UQCC1: variants seen among roughly 807,000 people sequenced by gnomAD.
UQCC1 encodes bFGF-repressed Zic-binding protein.
In UQCC1, 38 loss-of-function variants were observed where a neutral mutation model predicts 48.0. The ratio of observed to expected loss-of-function variants is 0.79; its 90% CI spans 0.61 to 1.04. The LOEUF (loss-of-function observed/expected upper bound fraction) is 1.04, where lower values mean the gene tolerates loss of function less well. Ranked by LOEUF, UQCC1 falls within the 50% of genes least tolerant of loss-of-function variation. The pLI, the probability that UQCC1 is intolerant of heterozygous loss-of-function variation, is 0.00. For missense variants in UQCC1, 368 were observed against 381.8 expected, an observed-to-expected ratio of 0.96 and a Z score of 0.30; for synonymous variants, 111 against 129.2, an observed-to-expected ratio of 0.86 and a Z score of 0.95.
intron 5 of UQCC1, among the ~76,000 whole-genome samples, chr20:35,372,077 C>T (rs1249508186): frequency 1.3e-5 from 2 of 150,176 alleles, no homozygotes; most frequent in Non-Finnish European, 3.0e-5. Flanking sequence ...TTTGGGAGGT[C>T]GAGGTGGGTG....
chr20:35,384,314 G>A (rs971349014), intron 2 of UQCC1, among the ~76,000 whole-genome samples, 181 bp from the exon 3 acceptor site: 32 of 152,158 alleles, frequency 2.1e-4, no homozygotes, highest in African/African-American at 7.5e-4. Flanking sequence ...CATGGTAGAT[G>A]CCCAAGAAAT....
intron 6 of UQCC1, among the ~76,000 whole-genome samples, chr20:35,364,772 C>T (rs2061647535): frequency 6.6e-6 from 1 of 152,206 alleles, no homozygotes; most frequent in Non-Finnish European, 1.5e-5. Context: ...TCAAGGTTCT[C>T]CCATCTGCTG....
chr20:35,333,486 T>C (rs2061280156), intron 7 of UQCC1, among the ~76,000 whole-genome samples: 1 of 152,218 alleles, frequency 6.6e-6, no homozygotes, highest in African/African-American at 2.4e-5. Flanking sequence ...GGGACTGCTA[T>C]ACCATTCTCA....
chr20:35,391,783 G>T (rs886582063), intron 2 of UQCC1, among the ~76,000 whole-genome samples: 3 of 152,032 alleles, frequency 2.0e-5, no homozygotes, highest in African/African-American at 7.2e-5. Context: ...TTATTTCAAT[G>T]TTAATTTCCT....
At chr20:35,339,248 C>T (rs897659193) in intron 7 of UQCC1, among the ~76,000 whole-genome samples, 1 of 152,086 alleles carries the variant, frequency 6.6e-6, no homozygotes, top group Non-Finnish European at 1.5e-5. Context: ...GTAGTGACTA[C>T]GGTAGGCATG....
chr20:35,401,017 A>T (rs1316951627), intron 1 of UQCC1, among the ~76,000 whole-genome samples: 1 of 152,206 alleles, frequency 6.6e-6, no homozygotes, highest in Non-Finnish European at 1.5e-5. Flanking sequence ...TTACAGGTGT[A>T]GCGGATTCTA....
chr20:35,374,241 C>T lies in UQCC1; in HGVS notation c.349G>A (p.Ala117Thr). The T allele has an allele frequency of 6.2e-7, 1 of 1,612,038 alleles. No individual in the cohort carries two copies. Among genetic ancestry groups the T allele is most frequent in the Non-Finnish European group, 8.5e-7 (1 of 1,179,224 alleles). Reference sequence around the variant, plus strand: ...ACACAGCTAGTATACATGCGCAGGGCCGCAATCTTAATCTTCTAGACAAAG... The same window carrying T: ...ACACAGCTAGTATACATGCGCAGGGTCGCAATCTTAATCTTCTAGACAAAG... The part of the protein sequence containing the change: ...KYSKWKIKIA[A>T]LRMYTSCVEK... The change falls in exon 5 of 10, where the codon GCC (alanine) becomes ACC (threonine). Residue 117 changes from alanine to threonine, a missense_variant. Transcript: ENST00000374385.
chr20:35,332,532 A>C (rs1001964242), intron 7 of UQCC1, among the ~76,000 whole-genome samples: 5 of 152,226 alleles, frequency 3.3e-5, no homozygotes, highest in Non-Finnish European at 5.9e-5. Flanking sequence ...CCTCTGCTGG[A>C]GAAGGGCCTG....
At chr20:35,373,261 T>C (rs930473319) in intron 5 of UQCC1, among the ~76,000 whole-genome samples, 3 of 152,264 alleles carry the variant, frequency 2.0e-5, no homozygotes, top group East Asian at 1.9e-4. Context: ...AAATTATATA[T>C]GCCTTTTGAC....
intron 1 of UQCC1, among the ~76,000 whole-genome samples, chr20:35,397,536 GA>G (rs1172005636): frequency 7.0e-6 from 1 of 143,382 alleles, no homozygotes; most frequent in African/African-American, 2.6e-5. Flanking sequence ...AAAGAAAAAA[GA>G]AAAAAAAATC....
intron 7 of UQCC1, among the ~76,000 whole-genome samples, chr20:35,339,426 G>A (rs1021035855): frequency 6.6e-6 from 1 of 152,260 alleles, no homozygotes; most frequent in Non-Finnish European, 1.5e-5. Flanking sequence ...TCCAGCTTGT[G>A]TCTTATAGTG....
At chr20:35,368,254 C>G (rs1248229326) in intron 5 of UQCC1, among the ~76,000 whole-genome samples, 2 of 152,196 alleles carry the variant, frequency 1.3e-5, no homozygotes, top group African/African-American at 4.8e-5. Context: ...TTAACAGCAC[C>G]AATAATAAAG....
intron 2 of UQCC1, among the ~76,000 whole-genome samples, chr20:35,391,880 C>T (rs948591481): frequency 6.6e-6 from 1 of 152,116 alleles, no homozygotes; most frequent in Non-Finnish European, 1.5e-5. Context: ...ACTACTTTTA[C>T]AACTCTTACA....
At chr20:35,393,503 A>ACAC (rs2062036639) in intron 2 of UQCC1, among the ~76,000 whole-genome samples, 1 of 146,794 alleles carries the variant, frequency 6.8e-6, no homozygotes, top group African/African-American at 2.5e-5. Context: ...AACACACACA[A>ACAC]ACACACACAC....
chr20:35,396,397 T>C, intron 1 of UQCC1, among the ~76,000 whole-genome samples: 1 of 150,168 alleles, frequency 6.7e-6, no homozygotes, highest in African/African-American at 2.5e-5. Flanking sequence ...AAATGCCTGA[T>C]GCCTGGGCTC....
chr20:35,384,480 A>AT (rs980285861), intron 2 of UQCC1: 143 of 324,184 alleles, frequency 4.4e-4, no homozygotes, highest in Middle Eastern at 1.9e-3. Flanking sequence ...ATTTCTACAA[A>AT]TTTTTTTTTA....
rs548607881 is a variant in UQCC1 at position 35,405,840 on chromosome 20, A to G, written c.24+6100T>C. Reference sequence around the variant, plus strand: ...GAGGTGGAGGTTGCAGTGAGCCAAGATGGCACCAAAGAGAATATCAACAGA... The same window carrying G: ...GAGGTGGAGGTTGCAGTGAGCCAAGGTGGCACCAAAGAGAATATCAACAGA... On this transcript the variant is annotated intron_variant, in intron 1 of 9. Coordinates refer to ENST00000374385, the MANE Select transcript of UQCC1 (RefSeq NM_018244.5). 7.9e-5 allele frequency among the ~76,000 whole-genome samples: 12 copies of G among 152,370 alleles called. No individual in the cohort carries two copies. In the East Asian group the frequency reaches 2.3e-3, roughly 29 times the overall value.
chr20:35,305,079 C>T (rs2060914040), intron 9 of UQCC1, among the ~76,000 whole-genome samples: 1 of 152,238 alleles, frequency 6.6e-6, no homozygotes. Flanking sequence ...CTCTTCCTTT[C>T]CCGGCCTTCA....
intron 2 of UQCC1, among the ~76,000 whole-genome samples, chr20:35,387,040 GC>G (rs1312431493): frequency 6.6e-6 from 1 of 152,002 alleles, no homozygotes; most frequent in Non-Finnish European, 1.5e-5. Flanking sequence ...ACTTTGGGAG[GC>G]CGAGGCGGGA....
Sources: allele counts gnomAD v4.1 joint callset (sites outside exome capture counted in the v4.1 genomes callset), GRCh38; gene constraint gnomAD v4.1.1; transcripts MANE v1.5; gene names NCBI Gene and HGNC (gene_info 2026-07-23, HGNC 2026-07-21).